INSIG2: variants seen among roughly 807,000 people sequenced by gnomAD.
INSIG2 encodes insulin induced gene 2, also known as insulin-induced gene 2 protein.
A neutral mutation model predicts 27.2 loss-of-function variants in INSIG2; 10 were observed. The observed-to-expected ratio is 0.37, with a 90% CI of 0.23 to 0.62. The LOEUF (loss-of-function observed/expected upper bound fraction) is 0.62, where lower values mean the gene tolerates loss of function less well. Among genes scored for constraint, INSIG2 ranks in the 20% least tolerant of loss-of-function variants. The pLI is 0.65. For missense variants in INSIG2, 178 were observed against 270.2 expected (o/e 0.66, Z 2.39); for synonymous variants, 97 against 95.8 (o/e 1.01, Z -0.07).
At chr2:118,098,795 G>A (rs1471274398) in intron 2 of INSIG2, among the ~76,000 whole-genome samples, 1 of 152,170 alleles carries the variant, frequency 6.6e-6, no homozygotes, top group African/African-American at 2.4e-5. Context: ...CCTGTTCCCA[G>A]CCACTAGGTT....
chr2:118,094,813 C>T (rs1023690078), intron 1 of INSIG2, among the ~76,000 whole-genome samples: 8 of 152,106 alleles, frequency 5.3e-5, no homozygotes, highest in African/African-American at 1.9e-4. Flanking sequence ...CCATTCTCTG[C>T]GGTTTACATG....
intron 2 of INSIG2, 106 bp downstream of exon 2, chr2:118,096,906 G>T: frequency 1.6e-6 from 2 of 1,266,390 alleles, no homozygotes. Context: ...TATTTATTGA[G>T]ATATAATTTA....
At chr2:118,090,829 C>T (rs1403055677) in intron 1 of INSIG2, among the ~76,000 whole-genome samples, 1 of 152,160 alleles carries the variant, frequency 6.6e-6, no homozygotes, top group African/African-American at 2.4e-5. Context: ...GTGGGTGAGC[C>T]TAGTCCTGGT....
At chr2:118,103,141 A>T in intron 2 of INSIG2, 56 bp from the exon 3 acceptor site, 4 of 1,495,992 alleles carry the variant, frequency 2.7e-6, no homozygotes, top group Non-Finnish European at 2.7e-6. Context: ...CTTTTAGCTT[A>T]AGTGTTGCCA....
intron 3 of INSIG2, among the ~76,000 whole-genome samples, chr2:118,104,893 G>T (rs1042208766): frequency 6.6e-6 from 1 of 152,094 alleles, no homozygotes; most frequent in Non-Finnish European, 1.5e-5. Flanking sequence ...CAAATTCTTT[G>T]CTTTGTTCAC....
In INSIG2 at chr2:118,096,638, T is replaced by C. The variant is rs1678413357; in HGVS notation, c.82T>C (p.Leu28=). The C allele has an allele frequency of 1.9e-6, 3 of 1,614,100 alleles. No homozygotes were observed. Among genetic ancestry groups the C allele is most frequent in the Non-Finnish European group, 2.5e-6 (3 of 1,179,998 alleles). The change falls in exon 2 of 6, where the codon TTG becomes CTG. Residue 28 remains leucine (L), a synonymous_variant. Coordinates refer to ENST00000245787, the MANE Select transcript of INSIG2 (RefSeq NM_016133.4). ...ATCTGTCACTAGCCAGAGTGTGAAC[T>C]TGATGATTCGAGGAGTAGTGCTATT... ...ISSVTSQSVN[L]MIRGVVLFFI... is the part of the protein sequence containing the mutation.
rs146864249 is a variant in INSIG2, at chr2:118,106,007, A to G, written c.370-730A>G. 2.2e-3 allele frequency among the ~76,000 whole-genome samples: 332 copies of G among 152,316 alleles called. 1 individual carries two copies. The highest frequency in any genetic ancestry group is 7.4e-3 in the African/African-American group (306 of 41,566). On this transcript the variant is annotated intron_variant, in intron 3 of 5. Transcript: ENST00000245787. ...GTAGAAAAGGGCCATACATTTGTGA[A>G]TAGATGCTTAAGTAGGTGATGAAAA...
intron 3 of INSIG2, among the ~76,000 whole-genome samples, chr2:118,104,102 T>C (rs1678616316): frequency 6.6e-6 from 1 of 152,210 alleles, no homozygotes; most frequent in Admixed American, 6.5e-5. Flanking sequence ...ATTCCTGTCT[T>C]TTTCTAGGAG....
Position 118,110,610 on chromosome 2 carries a change from G to A in INSIG2, c.*2288G>A, listed in dbSNP as rs1026806349. ...TCTTAAATTATTTTCAGGTCCTCTA[G>A]AAAATAAGATAATTATAGCAAAAAA... On this transcript the variant is annotated 3_prime_UTR_variant, in exon 6 of 6. Coordinates refer to ENST00000245787, the MANE Select transcript of INSIG2 (RefSeq NM_016133.4). The A allele has an allele frequency of 5.9e-5, 9 of 152,082 alleles. No homozygotes were observed. The highest frequency in any genetic ancestry group is 2.2e-4 in the African/African-American group (9 of 41,406). 9.4% of individuals were successfully genotyped at this position (152,082 alleles called of 1,614,324 possible).
At chr2:118,104,556 C>G (rs148530716) in intron 3 of INSIG2, among the ~76,000 whole-genome samples, 1 of 152,276 alleles carries the variant, frequency 6.6e-6, no homozygotes, top group East Asian at 1.9e-4. Flanking sequence ...AAGTTAAAAT[C>G]ATATACTATT....
intron 1 of INSIG2, among the ~76,000 whole-genome samples, chr2:118,090,101 T>C (rs1049574293): frequency 6.6e-6 from 1 of 152,234 alleles, no homozygotes; most frequent in Admixed American, 6.5e-5. Flanking sequence ...TCTGTTTTTT[T>C]CTAATGTTAG....
At position 118,088,516 on chromosome 2, in the gene INSIG2, G is replaced by T. The variant is rs1678142581; in HGVS notation, c.-164G>T. The T allele has an allele frequency of 2.0e-5, 3 of 152,802 alleles. No individual in the cohort carries two copies. Among genetic ancestry groups the T allele is most frequent in the Admixed American group, 2.0e-4 (3 of 15,294 alleles). 9.5% of individuals were successfully genotyped at this position (152,802 alleles called of 1,614,324 possible). On this transcript the variant is annotated 5_prime_UTR_variant, in exon 1 of 6. Transcript: ENST00000245787. ...AGAGGCGGTAGGGGGTACGGGGGCT[G>T]GTCCCAGAAGATGGCGGAGGCGGGG...
intron 2 of INSIG2, chr2:118,102,495 C>T (rs920032166): frequency 6.6e-6 from 1 of 152,166 alleles, no homozygotes; most frequent in East Asian, 1.9e-4. Context: ...ACCTCTACAC[C>T]TTGTTTCCTC....
chr2:118,089,368 C>A (rs139861561), intron 1 of INSIG2, among the ~76,000 whole-genome samples: 55 of 152,252 alleles, frequency 3.6e-4, no homozygotes, highest in African/African-American at 1.3e-3. Context: ...AATGGTTAGG[C>A]TTGGCAGCTG....
At chr2:118,093,669 G>T (rs866301932) in intron 1 of INSIG2, among the ~76,000 whole-genome samples, 5 of 105,686 alleles carry the variant, frequency 4.7e-5, no homozygotes, top group Non-Finnish European at 6.1e-5. Flanking sequence ...ATGATGAGGA[G>T]GAGGAGGAGG....
At position 118,096,760 on chromosome 2, in the gene INSIG2, T is replaced by C; in HGVS notation, c.204T>C (p.Ser68=). The C allele has an allele frequency of 6.2e-7, 1 of 1,613,962 alleles. No individual in the cohort carries two copies. The highest frequency in any genetic ancestry group is 8.5e-7 in the Non-Finnish European group (1 of 1,180,028). ...FPPDVIASIF[S]SAWWVPPCCG... ...CTGATGTGATTGCAAGCATCTTTTC[T>C]TCTGCATGGTGGGTACCCCCATGCT... The change falls in exon 2 of 6, where the codon TCT becomes TCC. Residue 68 remains serine (S), a synonymous_variant. Coordinates refer to ENST00000245787, the MANE Select transcript of INSIG2 (RefSeq NM_016133.4).
chr2:118,102,441 C>T (rs1198634999), intron 2 of INSIG2: 1 of 152,156 alleles, frequency 6.6e-6, no homozygotes, highest in Non-Finnish European at 1.5e-5. Context: ...AAGATGATTT[C>T]TTCTTCTAAC....
At chr2:118,097,497 ACT>A (rs906740216) in intron 2 of INSIG2, among the ~76,000 whole-genome samples, 57 of 152,050 alleles carry the variant, frequency 3.7e-4, no homozygotes, top group African/African-American at 1.3e-3. Flanking sequence ...TATAAGGTAG[ACT>A]CTCTTTGCTT....
At chr2:118,089,205 G>GGGCAAT (rs1171980313) in intron 1 of INSIG2, among the ~76,000 whole-genome samples, 1 of 152,028 alleles carries the variant, frequency 6.6e-6, no homozygotes, top group African/African-American at 2.4e-5. Flanking sequence ...GAGTGGGCGC[G>GGGCAAT]GGCAATGGCG....
Sources: allele counts gnomAD v4.1 joint callset (sites outside exome capture counted in the v4.1 genomes callset), GRCh38; gene constraint gnomAD v4.1.1; transcripts MANE v1.5; gene names NCBI Gene and HGNC (gene_info 2026-07-23, HGNC 2026-07-21).